Variants in TUBGCP6 observed in about 807,000 individuals in gnomAD.
TUBGCP6 encodes gamma-tubulin complex component 6.
TUBGCP6 carries 161 observed loss-of-function variants against 175.8 expected under a neutral mutation model. The observed-to-expected ratio is 0.92, with a 90% CI of 0.81 to 1.04. The LOEUF is 1.04. TUBGCP6 is among the 50% of genes least tolerant of loss of function. The pLI is 0.00. For missense variants in TUBGCP6, 2,572 were observed against 2,433.0 expected, an observed-to-expected ratio of 1.06 and a Z score of -1.20; for synonymous variants, 1,173 against 1,030.5, an observed-to-expected ratio of 1.14 and a Z score of -2.65.
At position 50,244,629 on chromosome 22, in the gene TUBGCP6, C is replaced by G. The variant is rs999889349; in HGVS notation, c.-170G>C. ...TTTTTTAAAGGAGGTCTTGCGGTTGCTCTACTCAGAGTAAACACGCCCTGC... is the reference window on the plus strand; with the variant it reads ...TTTTTTAAAGGAGGTCTTGCGGTTGGTCTACTCAGAGTAAACACGCCCTGC... On this transcript the variant is annotated 5_prime_UTR_variant, in exon 1 of 25. Transcript: ENST00000248846. 1.7e-6 allele frequency: 2 copies of G among 1,201,900 alleles called. No homozygotes were observed. Among genetic ancestry groups the G allele is most frequent in the Admixed American group, 5.8e-5 (2 of 34,340 alleles). 74.5% of individuals were successfully genotyped at this position (1,201,900 alleles called of 1,614,324 possible). A position where few individuals can be genotyped will look rare whatever the true frequency, so the allele number is the denominator to read the frequency against.
rs750945831 is a variant in TUBGCP6, at chr22:50,219,406, C to G, written c.4366G>C (p.Ala1456Pro). The stretch of plus-strand genomic sequence containing the variant: ...TGGACCTGGGGGTCCACGGGGAAGG[C>G]GAAGGCCCGGGGAAGCACGGGGCGC... ...LLRPVLPRAFAFPVDPQVQSA... is the reference protein window; with the variant it reads ...LLRPVLPRAFPFPVDPQVQSA... Residue 1456 changes from alanine (A) to proline (P), a missense_variant, in exon 19 of 25, where the codon GCC (alanine) becomes CCC (proline). Coordinates refer to ENST00000248846, the MANE Select transcript of TUBGCP6 (RefSeq NM_020461.4). 1 of 1,571,356 alleles carries G rather than the reference C, an allele frequency of 6.4e-7. No homozygotes were observed. The highest frequency in any genetic ancestry group is 1.3e-5 in the African/African-American group (1 of 74,380).
chr22:50,227,761 C>T (rs865987299), intron 5 of TUBGCP6, 146 bp downstream of exon 5: 8 of 1,197,928 alleles, frequency 6.7e-6, no homozygotes, highest in African/African-American at 3.1e-5. Flanking sequence ...CTGGTGAACT[C>T]GGCCGGCCAA....
intron 3 of TUBGCP6, 22 bp downstream of exon 3, chr22:50,233,294 G>C: frequency 6.3e-7 from 1 of 1,599,426 alleles, no homozygotes; most frequent in Non-Finnish European, 8.5e-7. Context: ...CACCACTGTG[G>C]CGGGGAGTGA....
rs1190774047 is a variant in TUBGCP6 at position 50,219,782 on chromosome 22, C to T, written c.4177G>A (p.Ala1393Thr). ...NWPLNSQEDT[A>T]AQSSPGRGEE... ...CCACGGCCTGGGCTGCTCTGGGCAGCTGTGTCTTCCTAACAAAACACCAGC... is the reference window on the plus strand; with the variant it reads ...CCACGGCCTGGGCTGCTCTGGGCAGTTGTGTCTTCCTAACAAAACACCAGC... The change falls in exon 18 of 25, where the codon GCT (alanine) becomes ACT (threonine). Residue 1393 changes from alanine (A) to threonine (T), a missense_variant. By Grantham distance (58) the Ala-to-Thr change is moderately conservative. Coordinates refer to ENST00000248846, the MANE Select transcript of TUBGCP6 (RefSeq NM_020461.4). 1 of 1,613,066 alleles carries T rather than the reference C, an allele frequency of 6.2e-7. No individual in the cohort carries two copies. Among genetic ancestry groups the T allele is most frequent in the African/African-American group, 1.3e-5 (1 of 74,944 alleles).
chr22:50,222,758 G>A (rs2064549668), intron 13 of TUBGCP6, among the ~76,000 whole-genome samples, 166 bp from the exon 14 acceptor site: 2 of 152,226 alleles, frequency 1.3e-5, no homozygotes. Flanking sequence ...AGCACCTACA[G>A]GGCAGCACCA....
chr22:50,220,994 G>A lies in TUBGCP6; in HGVS notation c.3365C>T (p.Ser1122Leu), dbSNP rs1352136659. Residue 1122 changes from serine (S) to leucine (L), a missense_variant, in exon 16 of 25, where the codon TCA becomes TTA. Transcript: ENST00000248846. ...CCGTGGCCTGGTGGGAGCCACATCT[G>A]ACACATTCTCCCCGACCCTGATGCT... ...NASIRVGENV[S>L]DVAPTRPRWN... 1 of 1,611,670 alleles carries A rather than the reference G, an allele frequency of 6.2e-7. No individual in the cohort carries two copies. Among genetic ancestry groups the A allele is most frequent in the East Asian group, 2.2e-5 (1 of 44,714 alleles).
At chr22:50,235,410 C>A (rs1426870218) in intron 2 of TUBGCP6, among the ~76,000 whole-genome samples, 2 of 152,248 alleles carry the variant, frequency 1.3e-5, no homozygotes, top group African/African-American at 4.8e-5. Flanking sequence ...GGAGGATAAA[C>A]ACAGACCGTC....
At chr22:50,241,741 C>T (rs1324196253) in intron 1 of TUBGCP6, among the ~76,000 whole-genome samples, 4 of 152,186 alleles carry the variant, frequency 2.6e-5, no homozygotes, top group Non-Finnish European at 5.9e-5. Context: ...CCTTACCTAT[C>T]ATTGGAGATG....
chr22:50,235,702 GA>G (rs2064770143), intron 2 of TUBGCP6, among the ~76,000 whole-genome samples: 1 of 152,218 alleles, frequency 6.6e-6, no homozygotes, highest in South Asian at 2.1e-4. Context: ...AACACTTTGG[GA>G]GGCCAAGAAA....
At chr22:50,218,162 G>T in intron 23 of TUBGCP6, 27 bp downstream of exon 23, 1 of 1,610,136 alleles carries the variant, frequency 6.2e-7, no homozygotes, top group African/African-American at 1.3e-5. Flanking sequence ...CGTGACCACA[G>T]GGACGCAGCC....
At chr22:50,227,243 C>G (rs2064625636) in intron 5 of TUBGCP6, among the ~76,000 whole-genome samples, 166 bp from the exon 6 acceptor site, 1 of 152,122 alleles carries the variant, frequency 6.6e-6, no homozygotes, top group African/African-American at 2.4e-5. Context: ...AACGGGCTCC[C>G]TGCAGGACTC....
At chr22:50,233,572 G>A in intron 2 of TUBGCP6, 46 bp from the exon 3 acceptor site, 1 of 1,530,190 alleles carries the variant, frequency 6.5e-7, no homozygotes, top group Non-Finnish European at 8.9e-7. Flanking sequence ...GTGGTGACCT[G>A]CACCTCAGCA....
chr22:50,243,769 C>A lies in TUBGCP6; in HGVS notation c.691G>T (p.Gly231Cys). The change falls in exon 1 of 25, where the codon GGC becomes TGC. Residue 231 changes from glycine (G) to cysteine (C), a missense_variant. Transcript: ENST00000248846. The stretch of plus-strand genomic sequence containing the variant: ...GCATTGTCTGGCACGGGGGGCAGGC[C>A]CAGTCGGACGTCCATGTCATAAGTG... Reference protein sequence around the residue: ...SRTYDMDVRLGLPPVPDNADL... With the variant: ...SRTYDMDVRLCLPPVPDNADL... The A allele has an allele frequency of 6.2e-7, 1 of 1,613,554 alleles. No homozygotes were observed. Among genetic ancestry groups the A allele is most frequent in the Non-Finnish European group, 8.5e-7 (1 of 1,179,988 alleles).
intron 20 of TUBGCP6, 75 bp downstream of exon 20, chr22:50,218,993 G>A: frequency 2.5e-6 from 4 of 1,595,720 alleles, no homozygotes; most frequent in Non-Finnish European, 3.4e-6. Flanking sequence ...GCAGGGGGCT[G>A]TGGGCGTGCA....
intron 3 of TUBGCP6, among the ~76,000 whole-genome samples, chr22:50,230,873 C>T (rs1008794294): frequency 1.3e-5 from 2 of 151,054 alleles, no homozygotes; most frequent in African/African-American, 4.9e-5. Context: ...CACTTGAGGT[C>T]AGGGGTTTGA....
At chr22:50,219,552 C>T (rs2064480220) in intron 18 of TUBGCP6, 92 bp downstream of exon 18, 10 of 1,587,284 alleles carry the variant, frequency 6.3e-6, no homozygotes, top group Admixed American at 1.7e-5. Flanking sequence ...AACTGGCTAG[C>T]CCAGGGCTCC....
chr22:50,222,119 AG>A lies in TUBGCP6; in HGVS notation c.2410-18del, dbSNP rs763387217. Reference sequence around the variant, plus strand: ...CAGCATCTCCTGAAATTCAAGCCAGAGGGGTGACTGGCCAAGCCGGAGTCAA... The same window carrying A: ...CAGCATCTCCTGAAATTCAAGCCAGAGGGTGACTGGCCAAGCCGGAGTCAA... On this transcript the variant is annotated intron_variant, in intron 14 of 24. Transcript: ENST00000248846. The A allele has an allele frequency of 2.5e-6, 4 of 1,612,488 alleles. No homozygotes were observed. In the South Asian group the frequency reaches 4.4e-5, roughly 18 times the overall value.
In TUBGCP6 at chr22:50,226,338, C is replaced by T. The variant is rs772763001; in HGVS notation, c.1642G>A (p.Ala548Thr). 4.3e-6 allele frequency: 7 copies of T among 1,613,194 alleles called. No individual in the cohort carries two copies. The highest frequency in any genetic ancestry group is 2.7e-5 in the African/African-American group (2 of 74,808). ...DWVYSGVFRDAYGEFMIQVNH... is the reference protein window; with the variant it reads ...DWVYSGVFRDTYGEFMIQVNH... ...ACCTGAATCATGAACTCGCCATAAG[C>T]GTCTCTGAACACCCCGCTGTACACC... is the stretch of plus-strand genomic sequence containing the variant. The change falls in exon 8 of 25, where the codon GCT (alanine) becomes ACT (threonine). Residue 548 changes from alanine (A) to threonine (T), a missense_variant. Physicochemically the swap from Ala to Thr is moderately conservative, Grantham distance 58. Coordinates refer to ENST00000248846, the MANE Select transcript of TUBGCP6 (RefSeq NM_020461.4).
intron 2 of TUBGCP6, among the ~76,000 whole-genome samples, chr22:50,234,658 C>G (rs2064744557): frequency 6.8e-6 from 1 of 147,262 alleles, no homozygotes; most frequent in African/African-American, 2.5e-5. Flanking sequence ...CAGCATCACC[C>G]ACACCCCCGT....
Sources: gnomAD v4.1 joint callset for allele counts (sites outside exome capture counted in the v4.1 genomes callset) on GRCh38, gnomAD v4.1.1 for gene constraint, MANE v1.5 for transcripts, NCBI Gene and HGNC (gene_info 2026-07-23, HGNC 2026-07-21) for gene names.